The following TPPP2 variants were observed in gnomAD, a reference collection of about 807,000 sequenced individuals.
TPPP2 encodes the protein tubulin polymerization-promoting protein family member 2.
TPPP2 carries 8 observed loss-of-function variants against 13.0 expected under a neutral mutation model. The observed-to-expected ratio is 0.62, with a 90% CI of 0.36 to 1.11. The LOEUF (loss-of-function observed/expected upper bound fraction) is 1.11, where lower values mean the gene tolerates loss of function less well. Among genes scored for constraint, TPPP2 ranks in the 50% most tolerant of loss-of-function variants. The pLI, the probability that TPPP2 is intolerant of heterozygous loss-of-function variation, is 0.02. For synonymous variants in TPPP2, 81 were observed against 81.8 expected (o/e 0.99, Z 0.05); for missense variants, 213 against 216.9 (o/e 0.98, Z 0.11).
chr14:21,025,451 C>T, upstream of TPPP2: 1 of 985,558 alleles, frequency 1.0e-6, no homozygotes, highest in Non-Finnish European at 1.2e-6. The surrounding 1 kb of genome is among the most constrained non-coding windows in gnomAD (Gnocchi z 5.1). Context: ...GTGGTGGGAA[C>T]CGGTAGTGGG....
At chr14:21,026,309 G>T (rs1400470444), upstream of TPPP2, among the ~76,000 whole-genome samples, 2 of 141,316 alleles carry the variant, frequency 1.4e-5, no homozygotes, top group African/African-American at 2.8e-5. Flanking sequence ...TGCCCCCCTT[G>T]TAGCTCCCCC....
chr14:21,029,566 C>G (rs1883920887), upstream of TPPP2, among the ~76,000 whole-genome samples: 1 of 152,198 alleles, frequency 6.6e-6, no homozygotes, highest in Non-Finnish European at 1.5e-5. Flanking sequence ...CACTGCATTT[C>G]AGCCTGGGCA....
At chr14:21,033,889 GCTT>G (rs763902912), downstream of TPPP2, 1 of 1,614,158 alleles carries the variant, frequency 6.2e-7, no homozygotes, top group Admixed American at 1.7e-5. Flanking sequence ...AGTAGGTAGA[GCTT>G]CTGGTTGGTT....
intron 2 of TPPP2, 23 bp from the exon 3 acceptor site, chr14:21,030,989 T>C (rs1264616543): frequency 6.3e-7 from 1 of 1,585,996 alleles, no homozygotes; most frequent in Non-Finnish European, 8.6e-7. Context: ...CCAAAGTTTC[T>C]GGATTTCTGT....
downstream of TPPP2, chr14:21,034,107 C>T: frequency 1.9e-6 from 3 of 1,614,178 alleles, no homozygotes; most frequent in Non-Finnish European, 2.5e-6. Context: ...TTGCATCTTG[C>T]CTCGCATATA....
In TPPP2 at chr14:21,030,446, G is replaced by A. The variant is rs75272440; in HGVS notation, c.-69-67G>A. ...GGGAGGGAGAAAGGAGAGAGCAACA[G>A]GGAAGAGGGGAGCTGTTCCTGTTGC... On this transcript the variant is annotated intron_variant, in intron 1 of 3. Coordinates refer to ENST00000321760, the MANE Select transcript of TPPP2 (RefSeq NM_173846.5). 3.0e-3 allele frequency: 2,640 copies of A among 877,664 alleles called. 40 individuals carry two copies. The African/African-American group carries it at 0.039, about 13-fold the overall frequency. 54.4% of individuals were successfully genotyped at this position (877,664 alleles called of 1,614,324 possible).
upstream of TPPP2, chr14:21,025,889 G>A (rs1449429160): frequency 1.8e-5 from 4 of 216,466 alleles, no homozygotes; most frequent in Non-Finnish European, 3.2e-5. This position sits in a 1 kb window ranked among gnomAD's most constrained non-coding sequence, Gnocchi z 5.1. Context: ...ACCCCCAGAG[G>A]CTCTGACTCC....
At position 21,032,001 on chromosome 14, in the gene TPPP2, G is replaced by A. The variant is rs755194198; in HGVS notation, c.437G>A (p.Arg146Gln). The change falls in exon 4 of 4, where the codon CGG becomes CAG. Residue 146 changes from arginine to glutamine, a missense_variant. Transcript: ENST00000321760. ...ESGKGKGIAG[R>Q]EEMTDNTGYV... ...GGCAAGGGCAAGGGCATTGCGGGAC[G>A]GGAAGAGATGACTGACAACACAGGC... is the stretch of plus-strand genomic sequence containing the variant. 3.7e-5 allele frequency: 60 copies of A among 1,614,022 alleles called. 1 individual carries two copies. Among genetic ancestry groups the A allele is most frequent in the South Asian group, 3.6e-4 (33 of 91,082 alleles).
At chr14:21,034,155 G>C (rs1270787838), downstream of TPPP2, 2 of 1,614,108 alleles carry the variant, frequency 1.2e-6, no homozygotes, top group Non-Finnish European at 1.7e-6. Flanking sequence ...GAAACCCTTT[G>C]GGTAGTTAAC....
At chr14:21,025,429 C>T (rs1437760911), upstream of TPPP2, 5 of 985,574 alleles carry the variant, frequency 5.1e-6, no homozygotes, top group Middle Eastern at 5.2e-4. This position sits in a 1 kb window ranked among gnomAD's most constrained non-coding sequence, Gnocchi z 5.1. Flanking sequence ...CCTTCCTTCG[C>T]CCCCAGACTC....
chr14:21,029,795 A>G (rs547061537), upstream of TPPP2, among the ~76,000 whole-genome samples: 6 of 152,152 alleles, frequency 3.9e-5, no homozygotes, highest in African/African-American at 1.4e-4. Context: ...GGTGCCATCT[A>G]TGGACCGGAA....
chr14:21,025,691 C>T, upstream of TPPP2: 6 of 984,392 alleles, frequency 6.1e-6, no homozygotes, highest in Non-Finnish European at 7.2e-6. This position sits in a 1 kb window ranked among gnomAD's most constrained non-coding sequence, Gnocchi z 5.1. Flanking sequence ...CCTCTCTTTG[C>T]TGCGTCCCGA....
Position 21,030,731 on chromosome 14 carries a change from G to A in TPPP2, c.150G>A (p.Val50=), listed in dbSNP as rs375215559. The change falls in exon 2 of 4, where the codon GTG becomes GTA. Residue 50 remains valine, a synonymous_variant. Transcript: ENST00000321760. The part of the protein sequence containing the change: ...MDGKTVTSTD[V]DIVFSKVKAK... ...GCAAGACAGTCACCTCCACGGACGTGGACATCGTGTTCAGCAAAGTCAAGT... is the reference window on the plus strand; with the variant it reads ...GCAAGACAGTCACCTCCACGGACGTAGACATCGTGTTCAGCAAAGTCAAGT... The A allele has an allele frequency of 1.9e-6, 3 of 1,614,000 alleles. No homozygotes were observed. Among genetic ancestry groups the A allele is most frequent in the Non-Finnish European group, 1.7e-6 (2 of 1,180,016 alleles).
chr14:21,036,299 C>T (rs1203753275), downstream of TPPP2: 6 of 455,760 alleles, frequency 1.3e-5, no homozygotes, highest in Admixed American at 2.4e-5. Flanking sequence ...TCCCTTCTTT[C>T]GTCTAAAAGT....
rs538377398 is a variant in TPPP2 at position 21,032,390 on chromosome 14, T to C, written c.*313T>C. The C allele has an allele frequency of 6.7e-4, 317 of 474,052 alleles. 1 individual carries two copies. Among genetic ancestry groups the C allele is most frequent in the African/African-American group, 4.4e-3 (225 of 51,346 alleles). 29.4% of individuals were successfully genotyped at this position (474,052 alleles called of 1,614,324 possible). A position where few individuals can be genotyped will look rare whatever the true frequency, so the allele number is the denominator to read the frequency against. On this transcript the variant is annotated 3_prime_UTR_variant, in exon 4 of 4. Transcript: ENST00000321760. Reference sequence around the variant, plus strand: ...TGAACCAGATGTGGAGGTAAAAGTATCTACTACTTGTGTTCACACATTACT... The same window carrying C: ...TGAACCAGATGTGGAGGTAAAAGTACCTACTACTTGTGTTCACACATTACT...
chr14:21,028,715 G>A (rs1372055864), upstream of TPPP2, among the ~76,000 whole-genome samples: 1 of 152,132 alleles, frequency 6.6e-6, no homozygotes, highest in Non-Finnish European at 1.5e-5. Flanking sequence ...AGGTAATAGA[G>A]ATGGATTATG....
rs192487205 is a variant in TPPP2, at chr14:21,030,958, G to T, written c.174-54G>T. 33 of 1,562,380 alleles carry T rather than the reference G, an allele frequency of 2.1e-5. 1 individual carries two copies. The Admixed American group carries it at 3.7e-4, about 18-fold the overall frequency. On this transcript the variant is annotated intron_variant, in intron 2 of 3. Coordinates refer to ENST00000321760, the MANE Select transcript of TPPP2 (RefSeq NM_173846.5). Reference sequence around the variant, plus strand: ...CTGAGTGAGGCAAGAGTTGGACCTTGGAAGGTAATGCATTCATGCTCCAAA... The same window carrying T: ...CTGAGTGAGGCAAGAGTTGGACCTTTGAAGGTAATGCATTCATGCTCCAAA...
At chr14:21,025,499 C>A (rs1231719980), upstream of TPPP2, 2 of 985,332 alleles carry the variant, frequency 2.0e-6, no homozygotes, top group Non-Finnish European at 2.4e-6. This position sits in a 1 kb window ranked among gnomAD's most constrained non-coding sequence, Gnocchi z 5.1. Context: ...ACGAGTTCGA[C>A]TCCCCCCGCC....
chr14:21,031,287 C>G, intron 3 of TPPP2, 122 bp downstream of exon 3: 1 of 1,300,786 alleles, frequency 7.7e-7, no homozygotes, highest in Non-Finnish European at 1.0e-6. Context: ...CTTTAGAGAT[C>G]ATCTAGACAT....
Sources: allele counts gnomAD v4.1 joint callset (sites outside exome capture counted in the v4.1 genomes callset), GRCh38; gene constraint gnomAD v4.1.1; non-coding constraint Gnocchi (gnomAD v3.1); transcripts MANE v1.5; gene names NCBI Gene and HGNC (gene_info 2026-07-23, HGNC 2026-07-21).